Variants in PCNT observed in about 807,000 individuals in gnomAD.
PCNT encodes the protein kendrin.
A neutral mutation model predicts 380.4 loss-of-function variants in PCNT; 319 were observed. The ratio of observed to expected loss-of-function variants is 0.84; its 90% confidence interval spans 0.77 to 0.92. The LOEUF is 0.92. PCNT is among the 40% of genes least tolerant of loss of function. The pLI, the probability that PCNT is intolerant of heterozygous loss-of-function variation, is 0.00. For synonymous variants in PCNT, 1,845 were observed against 1,735.2 expected (o/e 1.06, Z -1.57); for missense variants, 4,400 against 4,255.3 (o/e 1.03, Z -0.95).
intron 3 of PCNT, 27 bp from the exon 4 acceptor site, chr21:46,346,101 C>A: frequency 6.2e-7 from 1 of 1,605,052 alleles, no homozygotes; most frequent in Non-Finnish European, 8.5e-7. Flanking sequence ...GAATTCTGGA[C>A]CTACATTCTT....
intron 1 of PCNT, chr21:46,325,017 C>G (rs1170076752): frequency 2.0e-6 from 2 of 985,204 alleles, no homozygotes; most frequent in East Asian, 2.3e-4. Flanking sequence ...GCGGCGCTGG[C>G]GCCGGGCGCC....
At position 46,399,797 on chromosome 21, in the gene PCNT, G is replaced by A. The variant is rs756524704; in HGVS notation, c.4791+1G>A. 5.0e-6 allele frequency: 8 copies of A among 1,613,360 alleles called. No individual in the cohort carries two copies. The highest frequency in any genetic ancestry group is 1.1e-5 in the South Asian group (1 of 91,058). On this transcript the variant is annotated splice_donor_variant, in intron 25 of 46. Transcript: ENST00000359568. LOFTEE classifies it high-confidence loss of function. Reference sequence around the variant, plus strand: ...AAACATCGTGAAAGGGCTGGAACAGGTAAAGCGTCTCCATGTTGTGGTTGG... The same window carrying A: ...AAACATCGTGAAAGGGCTGGAACAGATAAAGCGTCTCCATGTTGTGGTTGG...
At chr21:46,393,252 G>T (rs1021545124) in intron 21 of PCNT, among the ~76,000 whole-genome samples, 2 of 152,202 alleles carry the variant, frequency 1.3e-5, no homozygotes, top group African/African-American at 2.4e-5. Flanking sequence ...TGGTGCTGGA[G>T]ACATGACTCG....
intron 29 of PCNT, among the ~76,000 whole-genome samples, chr21:46,415,605 G>A (rs917075273): frequency 2.0e-5 from 3 of 151,806 alleles, no homozygotes; most frequent in Non-Finnish European, 4.4e-5. Flanking sequence ...GGGTGGTCTC[G>A]AACTCCTGAC....
In PCNT at chr21:46,334,666, G is replaced by C. The variant is rs754732068; in HGVS notation, c.537G>C (p.Pro179=). 2 of 1,550,090 alleles carry C rather than the reference G, an allele frequency of 1.3e-6. No homozygotes were observed. The highest frequency in any genetic ancestry group is 3.7e-5 in the Admixed American group (2 of 53,556). ...RGMFTISDHQ[P]EQRGMFTVSD... ...TGTTCACAATCAGTGACCACCAACC[G>C]GAACAGCGTGGGATGTTCACAGTCA... The change falls in exon 3 of 47, where the codon CCG becomes CCC. Residue 179 remains proline, a synonymous_variant. Coordinates refer to ENST00000359568, the MANE Select transcript of PCNT (RefSeq NM_006031.6).
chr21:46,349,852 G>T, intron 8 of PCNT, 32 bp downstream of exon 8: 2 of 1,605,202 alleles, frequency 1.2e-6, no homozygotes, highest in Non-Finnish European at 1.7e-6. Context: ...TAATTACTTG[G>T]TATATTAGGG....
At chr21:46,356,654 C>T (rs2084490074) in intron 12 of PCNT, among the ~76,000 whole-genome samples, 1 of 152,246 alleles carries the variant, frequency 6.6e-6, no homozygotes, top group Non-Finnish European at 1.5e-5. Flanking sequence ...ATGAGGCTCA[C>T]TCAGGAACTC....
chr21:46,444,813 T>C lies in PCNT; in HGVS notation c.9959T>C (p.Val3320Ala). Residue 3320 changes from valine (V) to alanine (A), a missense_variant, in exon 46 of 47, where the codon GTA (valine) becomes GCA (alanine). Coordinates refer to ENST00000359568, the MANE Select transcript of PCNT (RefSeq NM_006031.6). Reference sequence around the variant, plus strand: ...GTGATCCAGCAAAGATTGGGAGGGGTACTACCAGGTAATGCAAGTCCTCGC... The same window carrying C: ...GTGATCCAGCAAAGATTGGGAGGGGCACTACCAGGTAATGCAAGTCCTCGC... ...LEVIQQRLGG[V>A]LPDSTSKKSC... The C allele has an allele frequency of 6.2e-7, 1 of 1,613,200 alleles. No homozygotes were observed. The highest frequency in any genetic ancestry group is 8.5e-7 in the Non-Finnish European group (1 of 1,179,206).
chr21:46,437,204 T>C, intron 40 of PCNT, 123 bp downstream of exon 40: 1 of 697,270 alleles, frequency 1.4e-6, no homozygotes, highest in East Asian at 2.7e-5. Context: ...CTTCTCTGAA[T>C]TCATGGTTGC....
chr21:46,353,951 C>T (rs142460733), intron 10 of PCNT, 36 bp from the exon 11 acceptor site: 24 of 1,550,304 alleles, frequency 1.5e-5, no homozygotes, highest in South Asian at 3.4e-5. Context: ...AAAAGGGGTA[C>T]GTGTGTAAAG....
intron 8 of PCNT, among the ~76,000 whole-genome samples, 162 bp from the exon 9 acceptor site, chr21:46,351,267 T>G (rs907904603): frequency 6.6e-6 from 1 of 152,174 alleles, no homozygotes; most frequent in Admixed American, 6.5e-5. Context: ...CGGACAGAGC[T>G]CTCTCGGTCT....
At chr21:46,334,829 A>G in intron 3 of PCNT, 61 bp downstream of exon 3, 18 of 1,613,198 alleles carry the variant, frequency 1.1e-5, no homozygotes, top group Non-Finnish European at 1.4e-5. Context: ...TATGTTGTAG[A>G]AATCCAAACC....
intron 21 of PCNT, 143 bp downstream of exon 21, chr21:46,391,519 A>G (rs1001682786): frequency 2.8e-6 from 2 of 708,690 alleles, no homozygotes; most frequent in Non-Finnish European, 4.6e-6. Flanking sequence ...AACACTGGGC[A>G]TGGGAAGCTT....
rs2084375954 is a variant in PCNT at position 46,353,930 on chromosome 21, C to CCTGGGGAG, written c.1680-57_1680-56insCTGGGGAG. The CCTGGGGAG allele has an allele frequency of 2.1e-6, 3 of 1,432,366 alleles. No individual in the cohort carries two copies. In the African/African-American group the frequency reaches 4.2e-5, roughly 20 times the overall value. The allele number at this position is 1,432,366 out of a possible 1,614,324, so 88.7% of individuals were successfully genotyped here. A position where few individuals can be genotyped will look rare whatever the true frequency, so the allele number is the denominator to read the frequency against. ...GCAGTCGGTCCTGGGGAGGGAATGG[C>CCTGGGGAG]GCACACATGGAAAAGGGGTACGTGT... On this transcript the variant is annotated intron_variant, in intron 10 of 46. Transcript: ENST00000359568.
chr21:46,404,739 C>G (rs1411527350), intron 27 of PCNT, among the ~76,000 whole-genome samples: 1 of 152,130 alleles, frequency 6.6e-6, no homozygotes, highest in Non-Finnish European at 1.5e-5. Flanking sequence ...TACTTGAGCT[C>G]AGGAGTTCGA....
intron 16 of PCNT, among the ~76,000 whole-genome samples, chr21:46,385,028 AAACTG>A (rs1197697889): frequency 3.3e-5 from 5 of 152,160 alleles, no homozygotes; most frequent in African/African-American, 1.2e-4. Flanking sequence ...TCATCTTGCA[AAACTG>A]AACTCTGTCC....
chr21:46,349,623 G>T (rs2084195324), intron 7 of PCNT, 61 bp from the exon 8 acceptor site: 2 of 1,562,888 alleles, frequency 1.3e-6, no homozygotes, highest in Non-Finnish European at 8.8e-7. Context: ...TATTGTCACT[G>T]AGGTCGCTGT....
chr21:46,378,143 A>G (rs1199513186), intron 15 of PCNT, among the ~76,000 whole-genome samples: 1 of 151,860 alleles, frequency 6.6e-6, no homozygotes, highest in Non-Finnish European at 1.5e-5. Context: ...TTCCTTTACC[A>G]TACGGTGGTC....
At chr21:46,423,516 C>G (rs2087342505) in intron 32 of PCNT, among the ~76,000 whole-genome samples, 2 of 151,454 alleles carry the variant, frequency 1.3e-5, no homozygotes, top group Admixed American at 1.3e-4. Flanking sequence ...TATAAAACGT[C>G]AAGGAGATGT....
Sources: allele counts gnomAD v4.1 joint callset (sites outside exome capture counted in the v4.1 genomes callset), GRCh38; gene constraint gnomAD v4.1.1; transcripts MANE v1.5; gene names NCBI Gene and HGNC (gene_info 2026-07-23, HGNC 2026-07-21).